Variants in COL1A2 observed in about 807,000 individuals in gnomAD.
COL1A2 encodes the protein collagen type I alpha 2 chain, also known as collagen alpha-2(I) chain.
COL1A2 carries 49 observed loss-of-function variants against 174.3 expected under a neutral mutation model. The observed-to-expected ratio is 0.28, with a 90% CI of 0.22 to 0.36. COL1A2 has a LOEUF of 0.36. COL1A2 is among the 10% of genes least tolerant of loss of function. The pLI is 1.00. For missense variants in COL1A2, 1,438 were observed against 1,822.7 expected, an observed-to-expected ratio of 0.79 and a Z score of 3.84; for synonymous variants, 655 against 606.6, an observed-to-expected ratio of 1.08 and a Z score of -1.17.
At position 94,415,642 on chromosome 7, in the gene COL1A2, G is replaced by A. The variant is rs867716413; in HGVS notation, c.1764+372G>A. ...GTGTTGATGTTCAAAGCCTAAAGCC[G>A]AACTTATGAGTAGTCATATAAAGAA... On this transcript the variant is annotated intron_variant, in intron 30 of 51. Coordinates refer to ENST00000297268, the MANE Select transcript of COL1A2 (RefSeq NM_000089.4). Among the ~76,000 whole-genome samples the A allele has an allele frequency of 1.2e-3, 176 of 152,054 alleles. 2 individuals are homozygous for A. Among genetic ancestry groups the A allele is most frequent in the Middle Eastern group, 6.8e-3 (2 of 294 alleles).
intron 46 of COL1A2, 30 bp downstream of exon 46, chr7:94,426,560 A>G: frequency 1.3e-6 from 2 of 1,537,408 alleles, no homozygotes; most frequent in Non-Finnish European, 1.8e-6. Context: ...CTCGCACATA[A>G]ACTGATCCTG....
chr7:94,418,619 T>C, intron 33 of COL1A2, 67 bp downstream of exon 33: 1 of 1,341,762 alleles, frequency 7.5e-7, no homozygotes, highest in Non-Finnish European at 1.1e-6. Flanking sequence ...AATTGAGAAG[T>C]TTTCCAAATT....
At chr7:94,407,648 T>G (rs186667910) in intron 12 of COL1A2, among the ~76,000 whole-genome samples, 199 bp from the exon 13 acceptor site, 2 of 152,330 alleles carry the variant, frequency 1.3e-5, no homozygotes, top group African/African-American at 4.8e-5. Context: ...CCTGGATATG[T>G]GGTACTATCT....
At chr7:94,414,332 T>C (rs1373306268) in intron 29 of COL1A2, 57 bp downstream of exon 29, 2 of 1,409,126 alleles carry the variant, frequency 1.4e-6, no homozygotes, top group African/African-American at 1.4e-5. Flanking sequence ...TTTCCCCCTG[T>C]TTAATACCCC....
chr7:94,420,425 A>G lies in COL1A2; in HGVS notation c.2168A>G (p.Asn723Ser), dbSNP rs189374343. The G allele has an allele frequency of 1.3e-4, 209 of 1,613,980 alleles. No homozygotes were observed. Among genetic ancestry groups the G allele is most frequent in the East Asian group, 9.6e-4 (43 of 44,860 alleles). ...ERGEVGPAGP[N>S]GFAGPAGAAG... ...GGTGAGGTCGGTCCTGCTGGCCCCA[A>G]TGGATTTGCTGGTCCTGCTGTGAGT... Residue 723 changes from asparagine to serine, a missense_variant, in exon 36 of 52, where the codon AAT becomes AGT. This residue lies in a region of COL1A2 where 867 missense variants were observed against 1,213.7 expected (regional missense o/e 0.71). Transcript: ENST00000297268.
rs72659303 is a variant in COL1A2 at position 94,425,114 on chromosome 7, T to C, written c.2674-3T>C. The C allele has an allele frequency of 6.2e-7, 1 of 1,613,684 alleles. No homozygotes were observed. Among genetic ancestry groups the C allele is most frequent in the Non-Finnish European group, 8.5e-7 (1 of 1,179,612 alleles). On this transcript the variant is annotated splice_polypyrimidine_tract_variant and splice_region_variant and intron_variant, in intron 41 of 51. Transcript: ENST00000297268. ...TGTCATTTTATCTTCTCTGCCTGTT[T>C]AGGGTGAACCTGGTCCTCTTGGCAT...
At chr7:94,421,219 C>T (rs931612180) in intron 38 of COL1A2, 157 bp downstream of exon 38, 1 of 751,814 alleles carries the variant, frequency 1.3e-6, no homozygotes, top group Non-Finnish European at 2.3e-6. Context: ...TTGATGTTAA[C>T]TTGAACTCAG....
At chr7:94,427,468 A>G in intron 48 of COL1A2, 159 bp from the exon 49 acceptor site, 2 of 1,080,172 alleles carry the variant, frequency 1.9e-6, no homozygotes, top group East Asian at 2.4e-5. Flanking sequence ...CATCCCTGCA[A>G]GTGTGCCTGG....
At chr7:94,408,948 C>A in intron 16 of COL1A2, 125 bp downstream of exon 16, 1 of 923,156 alleles carries the variant, frequency 1.1e-6, no homozygotes. Flanking sequence ...TCCTTCCCTT[C>A]AAAATGGACA....
chr7:94,411,862 A>G (rs1329127982), intron 23 of COL1A2, among the ~76,000 whole-genome samples: 3 of 152,230 alleles, frequency 2.0e-5, no homozygotes, highest in Non-Finnish European at 4.4e-5. Context: ...CTAAATTTCA[A>G]TAAAAGGAAA....
chr7:94,422,771 G>T, intron 39 of COL1A2, 186 bp from the exon 40 acceptor site: 2 of 720,054 alleles, frequency 2.8e-6, no homozygotes, highest in Non-Finnish European at 4.7e-6. Context: ...GCCTCATAAA[G>T]GAAGACAGGA....
At position 94,429,181 on chromosome 7, in the gene COL1A2, T is replaced by C. The variant is rs1454918876; in HGVS notation, c.3712-7T>C. On this transcript the variant is annotated splice_polypyrimidine_tract_variant and splice_region_variant and intron_variant, in intron 50 of 51. Coordinates refer to ENST00000297268, the MANE Select transcript of COL1A2 (RefSeq NM_000089.4). ...ACTTAACTGGAATTTCATCCTATTT[T>C]CTGTAGTTTGAATATAATGTAGAAG... 22 of 1,611,348 alleles carry C rather than the reference T, an allele frequency of 1.4e-5. No homozygotes were observed. Among genetic ancestry groups the C allele is most frequent in the Non-Finnish European group, 1.9e-5 (22 of 1,177,724 alleles).
intron 13 of COL1A2, 146 bp downstream of exon 13, chr7:94,408,037 C>T (rs1299542998): frequency 8.6e-7 from 1 of 1,160,874 alleles, no homozygotes; most frequent in African/African-American, 1.5e-5. Flanking sequence ...TAATTGAAAT[C>T]CACTACTGTT....
At chr7:94,414,856 A>T (rs541370555) in intron 29 of COL1A2, among the ~76,000 whole-genome samples, 58 of 152,342 alleles carry the variant, frequency 3.8e-4, no homozygotes, top group Middle Eastern at 6.8e-3. Flanking sequence ...CAATGTACAG[A>T]ATATGATAAT....
chr7:94,405,522 C>A, intron 10 of COL1A2, 151 bp from the exon 11 acceptor site: 1 of 803,238 alleles, frequency 1.2e-6, no homozygotes, highest in Non-Finnish European at 2.2e-6. Flanking sequence ...CACATTAGAG[C>A]AAGTTAATTT....
intron 1 of COL1A2, among the ~76,000 whole-genome samples, chr7:94,397,407 A>C (rs1181290227): frequency 6.6e-6 from 1 of 152,196 alleles, no homozygotes; most frequent in Non-Finnish European, 1.5e-5. Context: ...TCTTACATTC[A>C]GCGATTCATC....
intron 48 of COL1A2, 117 bp downstream of exon 48, chr7:94,427,412 T>A: frequency 8.9e-7 from 1 of 1,125,560 alleles, no homozygotes; most frequent in Non-Finnish European, 1.3e-6. Flanking sequence ...CAATATATCC[T>A]CTAAAATATC....
At chr7:94,415,388 C>T (rs1486778464) in intron 30 of COL1A2, 118 bp downstream of exon 30, 3 of 873,976 alleles carry the variant, frequency 3.4e-6, no homozygotes, top group African/African-American at 1.7e-5. Flanking sequence ...CTTCTATAGT[C>T]AAATGTAATC....
intron 13 of COL1A2, 49 bp from the exon 14 acceptor site, chr7:94,408,132 CTT>C: frequency 6.3e-7 from 1 of 1,591,440 alleles, no homozygotes; most frequent in Non-Finnish European, 8.6e-7. Context: ...ATGCCTGTGA[CTT>C]TTTTTAAATT....
Sources: allele counts gnomAD v4.1 joint callset (sites outside exome capture counted in the v4.1 genomes callset), GRCh38; gene constraint gnomAD v4.1.1; regional missense constraint gnomAD v4.1.1; transcripts MANE v1.5; gene names NCBI Gene and HGNC (gene_info 2026-07-23, HGNC 2026-07-21).